DERA: variants seen among roughly 807,000 people sequenced by gnomAD.
DERA encodes the protein deoxyribose-phosphate aldolase, also known as 2-deoxy-D-ribose 5-phosphate aldolase.
Under a neutral mutation model 41.1 loss-of-function variants are expected in DERA, and 15 were observed. The observed-to-expected ratio is 0.37, with a 90% CI of 0.24 to 0.56. The LOEUF (loss-of-function observed/expected upper bound fraction) is 0.56. Among genes scored for constraint, DERA ranks in the 20% least tolerant of loss-of-function variants. The pLI is 0.81. For synonymous variants in DERA, 139 were observed against 137.4 expected, an observed-to-expected ratio of 1.01 and a Z score of -0.08; for missense variants, 396 against 403.4, an observed-to-expected ratio of 0.98 and a Z score of 0.16.
chr12:15,911,428 G>T lies in DERA; in HGVS notation c.31+14G>T. 7.1e-7 allele frequency: 1 copy of T among 1,407,542 alleles called. No individual in the cohort carries two copies. Among genetic ancestry groups the T allele is most frequent in the Non-Finnish European group, 9.2e-7 (1 of 1,090,436 alleles). The allele number at this position is 1,407,542 out of a possible 1,614,324, so 87.2% of individuals were successfully genotyped here. On this transcript the variant is annotated intron_variant, in intron 1 of 8. Coordinates refer to ENST00000428559, the MANE Select transcript of DERA (RefSeq NM_015954.4). The surrounding 1 kb of genome is among the most constrained non-coding windows in gnomAD (Gnocchi z 4.5). ...GCACCGAGCTCGGTAAGGGGCCCGC[G>T]GGGCTCCCCATCCCCTCTCCCTCGC...
rs1192785233 is a variant in DERA at position 16,000,326 on chromosome 12, C to T, written c.637+17890C>T. Among the ~76,000 whole-genome samples, 2 of 152,064 alleles carry T rather than the reference C, an allele frequency of 1.3e-5. No homozygotes were observed. Among genetic ancestry groups the T allele is most frequent in the African/African-American group, 4.8e-5 (2 of 41,396 alleles). ...CTTGCAACAAGGAAAAACATAGTAA[C>T]GTTTTTAAGGAAATCTGATGAAGGC... On this transcript the variant is annotated intron_variant, in intron 6 of 8. Coordinates refer to ENST00000428559, the MANE Select transcript of DERA (RefSeq NM_015954.4). This position sits in a 1 kb window ranked among gnomAD's most constrained non-coding sequence, Gnocchi z 4.8.
At position 16,020,439 on chromosome 12, in the gene DERA, G is replaced by A. The variant is rs1949011096; in HGVS notation, c.638-12103G>A. Among the ~76,000 whole-genome samples the A allele has an allele frequency of 6.6e-6, 1 of 152,180 alleles. No homozygotes were observed. The highest frequency in any genetic ancestry group is 2.4e-5 in the African/African-American group (1 of 41,442). ...TGGGGTGGGGGTTACAATTTGACAT[G>A]AGATTTGGGCAGAGACACAGACCTA... On this transcript the variant is annotated intron_variant, in intron 6 of 8. Coordinates refer to ENST00000428559, the MANE Select transcript of DERA (RefSeq NM_015954.4). This position sits in a 1 kb window ranked among gnomAD's most constrained non-coding sequence, Gnocchi z 5.5.
rs1365323301 is a variant in DERA, at chr12:15,988,750, A to G, written c.637+6314A>G. On this transcript the variant is annotated intron_variant, in intron 6 of 8. Transcript: ENST00000428559. The surrounding 1 kb of genome is among the most constrained non-coding windows in gnomAD (Gnocchi z 6.0). ...ACCAGGGACCCATCCCTTCCTGCCT[A>G]GGAACCTGTCTGCCTCCCACCACCA... Among the ~76,000 whole-genome samples, 2 of 152,022 alleles carry G rather than the reference A, an allele frequency of 1.3e-5. No homozygotes were observed. The highest frequency in any genetic ancestry group is 6.5e-5 in the Admixed American group (1 of 15,276).
rs1948523850 is a variant in DERA at position 15,954,623 on chromosome 12, C to A, written c.32-2313C>A. Among the ~76,000 whole-genome samples the A allele has an allele frequency of 6.6e-6, 1 of 152,110 alleles. No individual in the cohort carries two copies. Among genetic ancestry groups the A allele is most frequent in the African/African-American group, 2.4e-5 (1 of 41,420 alleles). On this transcript the variant is annotated intron_variant, in intron 1 of 8. Coordinates refer to ENST00000428559, the MANE Select transcript of DERA (RefSeq NM_015954.4). This position sits in a 1 kb window ranked among gnomAD's most constrained non-coding sequence, Gnocchi z 4.0. ...CTGCCAGTAGTTTAGGAAGGCTGCA[C>A]CACAGAGGCAGAGGAGCAGTGAGGG...
In DERA at chr12:15,936,715, C is replaced by T. The variant is rs973435003; in HGVS notation, c.32-20221C>T. The stretch of plus-strand genomic sequence containing the variant: ...ATGTATTTTATTCAGTTGTGTTTGT[C>T]TTCCTTTAGAGCAGAACTCCCTTTT... On this transcript the variant is annotated intron_variant, in intron 1 of 8. Transcript: ENST00000428559. The surrounding 1 kb of genome is among the most constrained non-coding windows in gnomAD (Gnocchi z 4.6). Among the ~76,000 whole-genome samples, 1 of 152,132 alleles carries T rather than the reference C, an allele frequency of 6.6e-6. No individual in the cohort carries two copies. Among genetic ancestry groups the T allele is most frequent in the African/African-American group, 2.4e-5 (1 of 41,424 alleles).
rs1948622488 is a variant in DERA, at chr12:15,966,289, C to T, written c.508+3342C>T. 6.6e-6 allele frequency among the ~76,000 whole-genome samples: 1 copy of T among 152,100 alleles called. No individual in the cohort carries two copies. Among genetic ancestry groups the T allele is most frequent in the African/African-American group, 2.4e-5 (1 of 41,420 alleles). ...GACCAGCCTGGCCAACATGGCAAAACCCTATCTCTACTAAATATACAAAGA... is the reference window on the plus strand; with the variant it reads ...GACCAGCCTGGCCAACATGGCAAAATCCTATCTCTACTAAATATACAAAGA... On this transcript the variant is annotated intron_variant, in intron 5 of 8. Transcript: ENST00000428559. The surrounding 1 kb of genome is among the most constrained non-coding windows in gnomAD (Gnocchi z 5.1).
At chr12:16,028,334 A>G (rs990780067) in intron 6 of DERA, among the ~76,000 whole-genome samples, 3 of 152,272 alleles carry the variant, frequency 2.0e-5, no homozygotes, top group Non-Finnish European at 4.4e-5. Flanking sequence ...CGTGTGAACA[A>G]TAAAATAAAT....
At chr12:16,007,823 T>C (rs1475949044) in intron 6 of DERA, among the ~76,000 whole-genome samples, 1 of 150,904 alleles carries the variant, frequency 6.6e-6, no homozygotes, top group Admixed American at 6.7e-5. Context: ...TGTATATTGA[T>C]AATGCAGTTT....
rs575628205 is a variant in DERA at position 15,936,887 on chromosome 12, T to C, written c.32-20049T>C. Among the ~76,000 whole-genome samples the C allele has an allele frequency of 2.5e-4, 31 of 125,200 alleles. No individual in the cohort carries two copies. The highest frequency in any genetic ancestry group is 8.9e-4 in the African/African-American group (25 of 28,214). 82.1% of individuals were successfully genotyped at this position (125,200 alleles called of 152,430 possible). The stretch of plus-strand genomic sequence containing the variant: ...TGTCTTGTCTTGTCTTGTCTTGTCT[T>C]GTCCTGTCCTGTCCTGTCCTGTCCT... On this transcript the variant is annotated intron_variant, in intron 1 of 8. Transcript: ENST00000428559. This position sits in a 1 kb window ranked among gnomAD's most constrained non-coding sequence, Gnocchi z 4.6.
At position 15,982,231 on chromosome 12, in the gene DERA, C is replaced by T. The variant is rs1404155166; in HGVS notation, c.509-77C>T. ...ATGTTTCCTAAATGTGAAATGGGTT[C>T]CACCAGCTCTAAACGGCTGCCAAGT... On this transcript the variant is annotated intron_variant, in intron 5 of 8. Coordinates refer to ENST00000428559, the MANE Select transcript of DERA (RefSeq NM_015954.4). The surrounding 1 kb of genome is among the most constrained non-coding windows in gnomAD (Gnocchi z 4.0). The T allele has an allele frequency of 1.4e-6, 2 of 1,415,868 alleles. No homozygotes were observed. Among genetic ancestry groups the T allele is most frequent in the Non-Finnish European group, 1.9e-6 (2 of 1,043,918 alleles). 87.7% of individuals were successfully genotyped at this position (1,415,868 alleles called of 1,614,324 possible).
chr12:16,017,106 T>C lies in DERA; in HGVS notation c.638-15436T>C, dbSNP rs910577304. ...GTCCCCACTTTGTATTCCACTTAAA[T>C]CATACTGTTTTGCATTATTTTAAAT... On this transcript the variant is annotated intron_variant, in intron 6 of 8. Transcript: ENST00000428559. The surrounding 1 kb of genome is among the most constrained non-coding windows in gnomAD (Gnocchi z 5.5). Among the ~76,000 whole-genome samples the C allele has an allele frequency of 1.3e-5, 2 of 152,184 alleles. No individual in the cohort carries two copies. The highest frequency in any genetic ancestry group is 2.9e-5 in the Non-Finnish European group (2 of 68,030).
chr12:15,927,136 C>T (rs1948292710), intron 1 of DERA, among the ~76,000 whole-genome samples: 2 of 152,100 alleles, frequency 1.3e-5, no homozygotes, highest in Admixed American at 1.3e-4. Flanking sequence ...TTACTTAAAA[C>T]ATTTTGAAAG....
rs1004362149 is a variant in DERA at position 15,970,681 on chromosome 12, T to C, written c.508+7734T>C. Among the ~76,000 whole-genome samples, 2 of 152,156 alleles carry C rather than the reference T, an allele frequency of 1.3e-5. No homozygotes were observed. Among genetic ancestry groups the C allele is most frequent in the African/African-American group, 4.8e-5 (2 of 41,440 alleles). Reference sequence around the variant, plus strand: ...CTGAAAAAAAACAGGTACACCCACATTTCCAACTCCATCTCTCTTTTCAGA... The same window carrying C: ...CTGAAAAAAAACAGGTACACCCACACTTCCAACTCCATCTCTCTTTTCAGA... On this transcript the variant is annotated intron_variant, in intron 5 of 8. Coordinates refer to ENST00000428559, the MANE Select transcript of DERA (RefSeq NM_015954.4). This position sits in a 1 kb window ranked among gnomAD's most constrained non-coding sequence, Gnocchi z 4.3.
In DERA at chr12:16,035,052, G is replaced by A. The variant is rs999496241; in HGVS notation, c.751-1180G>A. Among the ~76,000 whole-genome samples the A allele has an allele frequency of 1.3e-5, 2 of 152,190 alleles. No individual in the cohort carries two copies. The highest frequency in any genetic ancestry group is 1.3e-4 in the Admixed American group (2 of 15,272). On this transcript the variant is annotated intron_variant, in intron 7 of 8. Coordinates refer to ENST00000428559, the MANE Select transcript of DERA (RefSeq NM_015954.4). This position sits in a 1 kb window ranked among gnomAD's most constrained non-coding sequence, Gnocchi z 4.1. ...TGTGACGTTGTGTAATTGAGGCAGG[G>A]AAACCAGTTAAAAGACTTTTACTGA...
Position 15,995,496 on chromosome 12 carries a change from T to A in DERA, c.637+13060T>A, listed in dbSNP as rs1328516803. On this transcript the variant is annotated intron_variant, in intron 6 of 8. Coordinates refer to ENST00000428559, the MANE Select transcript of DERA (RefSeq NM_015954.4). The surrounding 1 kb of genome is among the most constrained non-coding windows in gnomAD (Gnocchi z 5.1). ...CTTAGAAAATTAACCAGGGTTGTGA[T>A]ACAACTGCCACTTGAGTTCTGTACT... Among the ~76,000 whole-genome samples the A allele has an allele frequency of 1.3e-5, 2 of 152,178 alleles. No homozygotes were observed. The highest frequency in any genetic ancestry group is 2.4e-5 in the African/African-American group (1 of 41,442).
At chr12:15,956,657 A>G (rs184773268) in intron 1 of DERA, 390 of 481,576 alleles carry the variant, frequency 8.1e-4, no homozygotes, top group Admixed American at 1.6e-3. Context: ...TGATGAATCA[A>G]TACAGGTTCT....
intron 6 of DERA, among the ~76,000 whole-genome samples, chr12:16,005,606 A>C (rs1182535714): frequency 1.3e-5 from 2 of 152,208 alleles, no homozygotes; most frequent in Non-Finnish European, 2.9e-5. Flanking sequence ...ATGGTCATGC[A>C]AGTTTGGGGA....
chr12:15,947,693 A>G (rs891068872), intron 1 of DERA, among the ~76,000 whole-genome samples: 1 of 152,172 alleles, frequency 6.6e-6, no homozygotes, highest in South Asian at 2.1e-4. Context: ...TAATTGGACC[A>G]TTTAGCCCAT....
intron 1 of DERA, among the ~76,000 whole-genome samples, chr12:15,929,513 A>T (rs1279812944): frequency 6.6e-6 from 1 of 151,648 alleles, no homozygotes; most frequent in African/African-American, 2.4e-5. Context: ...CTGTCTGCTT[A>T]TAGTCACAGT....
Sources: allele counts gnomAD v4.1 joint callset (sites outside exome capture counted in the v4.1 genomes callset), GRCh38; gene constraint gnomAD v4.1.1; non-coding constraint Gnocchi (gnomAD v3.1); transcripts MANE v1.5; gene names NCBI Gene and HGNC (gene_info 2026-07-23, HGNC 2026-07-21).